CDH17: variants seen among roughly 807,000 people sequenced by gnomAD.
CDH17 encodes cadherin 17.
In CDH17, 67 loss-of-function variants were observed where a neutral mutation model predicts 86.3. The ratio of observed to expected loss-of-function variants is 0.78; its 90% CI spans 0.64 to 0.95. The LOEUF is 0.95. Among genes scored for constraint, CDH17 ranks in the 40% least tolerant of loss-of-function variants. The pLI is 0.00. For synonymous variants in CDH17, 367 were observed against 366.4 expected (o/e 1.00, Z -0.02); for missense variants, 993 against 1,017.6 (o/e 0.98, Z 0.33).
At chr8:94,182,201 AAAG>A (rs1813498704) in intron 3 of CDH17, among the ~76,000 whole-genome samples, 1 of 152,164 alleles carries the variant, frequency 6.6e-6, no homozygotes, top group Admixed American at 6.5e-5. Flanking sequence ...CCTAACATGT[AAAG>A]AAGAATTAAC....
chr8:94,174,746 C>A (rs191551005), intron 5 of CDH17, among the ~76,000 whole-genome samples: 2 of 152,092 alleles, frequency 1.3e-5, no homozygotes, highest in Non-Finnish European at 2.9e-5. Context: ...ATATTTCAAC[C>A]AAACTAGCAC....
intron 3 of CDH17, among the ~76,000 whole-genome samples, chr8:94,187,149 G>A (rs116846272): frequency 7.9e-5 from 12 of 152,346 alleles, no homozygotes; most frequent in Non-Finnish European, 1.6e-4. Flanking sequence ...AGATAAGTGA[G>A]ATAATGCATA....
intron 15 of CDH17, among the ~76,000 whole-genome samples, chr8:94,144,032 C>T (rs1812687926): frequency 2.0e-5 from 3 of 152,196 alleles, no homozygotes; most frequent in Non-Finnish European, 2.9e-5. Flanking sequence ...TGGCTATCAA[C>T]ATAACATCCT....
Position 94,130,867 on chromosome 8 carries a change from A to G in CDH17, c.2284+9T>C, listed in dbSNP as rs1317320983. Reference sequence around the variant, plus strand: ...TACTAGCCTGAGTTGCCTATAGCAGAATATCTACCTGGTAAAGAAACAATG... The same window carrying G: ...TACTAGCCTGAGTTGCCTATAGCAGGATATCTACCTGGTAAAGAAACAATG... On this transcript the variant is annotated intron_variant, in intron 16 of 17. Transcript: ENST00000027335. 2 of 1,579,582 alleles carry G rather than the reference A, an allele frequency of 1.3e-6. No individual in the cohort carries two copies. Among genetic ancestry groups the G allele is most frequent in the East Asian group, 4.5e-5 (2 of 44,708 alleles).
intron 10 of CDH17, among the ~76,000 whole-genome samples, chr8:94,163,681 C>T (rs1813101621): frequency 6.6e-6 from 1 of 152,248 alleles, no homozygotes; most frequent in African/African-American, 2.4e-5. Context: ...GGGATCCTGA[C>T]TAATATTCCC....
In CDH17 at chr8:94,127,612, G is replaced by C. The variant is rs1022457391; in HGVS notation, c.*628C>G. The C allele has an allele frequency of 4.6e-5, 7 of 152,164 alleles. No individual in the cohort carries two copies. Among genetic ancestry groups the C allele is most frequent in the Admixed American group, 2.0e-4 (3 of 15,274 alleles). 9.4% of individuals were successfully genotyped at this position (152,164 alleles called of 1,614,324 possible). A position where few individuals can be genotyped will look rare whatever the true frequency, so the allele number is the denominator to read the frequency against. On this transcript the variant is annotated 3_prime_UTR_variant, in exon 18 of 18. Coordinates refer to ENST00000027335, the MANE Select transcript of CDH17 (RefSeq NM_004063.4). ...TCAAGGATGAAGGGGACACAGGATG[G>C]AATCAGAAAAAACATAAATGGAATC...
In CDH17 at chr8:94,171,708, C is replaced by T. The variant is rs1026181379; in HGVS notation, c.784-723G>A. 4.6e-5 allele frequency among the ~76,000 whole-genome samples: 7 copies of T among 152,182 alleles called. No individual in the cohort carries two copies. The East Asian group carries it at 5.8e-4, about 13-fold the overall frequency. On this transcript the variant is annotated intron_variant, in intron 7 of 17. Transcript: ENST00000027335. ...ATTTAATCTCCAAACAGTCCTCTGA[C>T]GTACAGACTACTGTTATCTCTATTT...
At chr8:94,145,244 C>A (rs765955543) in intron 15 of CDH17, among the ~76,000 whole-genome samples, 1 of 152,122 alleles carries the variant, frequency 6.6e-6, no homozygotes, top group Non-Finnish European at 1.5e-5. Context: ...GTTGGAGTTA[C>A]AATCAACAGG....
chr8:94,196,243 A>G (rs1038227186), intron 1 of CDH17, among the ~76,000 whole-genome samples: 12 of 152,224 alleles, frequency 7.9e-5, no homozygotes. Flanking sequence ...AACCACTCTA[A>G]AAATTTAGAT....
At chr8:94,180,626 G>A (rs1228612697) in intron 3 of CDH17, among the ~76,000 whole-genome samples, 1 of 152,216 alleles carries the variant, frequency 6.6e-6, no homozygotes, top group African/African-American at 2.4e-5. Flanking sequence ...GCCGGGTGCA[G>A]TGGCTCATGC....
Position 94,159,039 on chromosome 8 carries a change from G to T in CDH17, c.1551+932C>A, listed in dbSNP as rs367583547. 4.9e-4 allele frequency among the ~76,000 whole-genome samples: 74 copies of T among 152,258 alleles called. 1 individual carries two copies. The highest frequency in any genetic ancestry group is 1.8e-3 in the African/African-American group (74 of 41,548). The stretch of plus-strand genomic sequence containing the variant: ...TCTCTCTGGCCCTTTTTAACAGCGA[G>T]GTTTCACTCTCTTTCCTAGGAAAGT... On this transcript the variant is annotated intron_variant, in intron 12 of 17. Coordinates refer to ENST00000027335, the MANE Select transcript of CDH17 (RefSeq NM_004063.4).
At chr8:94,145,535 G>A (rs1208794835) in intron 15 of CDH17, among the ~76,000 whole-genome samples, 3 of 152,166 alleles carry the variant, frequency 2.0e-5, no homozygotes, top group African/African-American at 4.8e-5. Context: ...AATGTTCATT[G>A]TCTTGATTGT....
At chr8:94,150,791 A>G (rs907867447) in intron 13 of CDH17, among the ~76,000 whole-genome samples, 1 of 152,224 alleles carries the variant, frequency 6.6e-6, no homozygotes, top group Admixed American at 6.5e-5. Flanking sequence ...TGAAGAAGAT[A>G]GGAACTTTTG....
At chr8:94,134,786 T>G (rs1297606146) in intron 15 of CDH17, among the ~76,000 whole-genome samples, 1 of 152,234 alleles carries the variant, frequency 6.6e-6, no homozygotes, top group Non-Finnish European at 1.5e-5. Flanking sequence ...TGCTTTCTCA[T>G]GTGGGCATTT....
intron 14 of CDH17, among the ~76,000 whole-genome samples, chr8:94,146,869 T>C (rs1456294167): frequency 3.9e-5 from 6 of 151,972 alleles, no homozygotes; most frequent in Non-Finnish European, 8.8e-5. Context: ...TCACAGACAT[T>C]GTTTCTACAA....
intron 3 of CDH17, 93 bp from the exon 4 acceptor site, chr8:94,177,814 T>A: frequency 8.4e-7 from 1 of 1,191,418 alleles, no homozygotes; most frequent in Non-Finnish European, 1.2e-6. Context: ...AAAATTTTCA[T>A]TGGTTCAATT....
In CDH17 at chr8:94,206,639, ATT is replaced by A. The variant is rs35064887; in HGVS notation, c.-21+1842_-21+1843del. Among the ~76,000 whole-genome samples the A allele has an allele frequency of 5.0e-3, 658 of 130,388 alleles. 3 individuals are homozygous for A. Among genetic ancestry groups the A allele is most frequent in the South Asian group, 0.014 (58 of 4,002 alleles). The allele number at this position is 130,388 out of a possible 152,430, so 85.5% of individuals were successfully genotyped here. On this transcript the variant is annotated intron_variant, in intron 1 of 17. Coordinates refer to ENST00000027335, the MANE Select transcript of CDH17 (RefSeq NM_004063.4). Reference sequence around the variant, plus strand: ...AGGATATATTTTGCACATCATCCAGATTTTTTTTTTTTTTTTTTTTGAGACAG... The same window carrying A: ...AGGATATATTTTGCACATCATCCAGATTTTTTTTTTTTTTTTTTGAGACAG...
intron 15 of CDH17, 75 bp downstream of exon 15, chr8:94,145,853 C>A: frequency 6.7e-7 from 1 of 1,500,286 alleles, no homozygotes. Context: ...CTGAGTACAG[C>A]AAACCCACCA....
chr8:94,141,381 A>C (rs1269985552), intron 15 of CDH17, among the ~76,000 whole-genome samples: 2 of 152,148 alleles, frequency 1.3e-5, no homozygotes, highest in African/African-American at 4.8e-5. Context: ...TGAAAGGCTA[A>C]ATGCTTTCTT....
Sources: allele counts gnomAD v4.1 joint callset (sites outside exome capture counted in the v4.1 genomes callset), GRCh38; gene constraint gnomAD v4.1.1; transcripts MANE v1.5; gene names NCBI Gene and HGNC (gene_info 2026-07-23, HGNC 2026-07-21).